RBMS3: variants seen among roughly 807,000 people sequenced by gnomAD.
The protein encoded by RBMS3 is RNA-binding motif, single-stranded-interacting protein 3.
In RBMS3, 27 loss-of-function variants were observed where a neutral mutation model predicts 66.8. The observed-to-expected ratio is 0.40, with a 90% CI of 0.30 to 0.56. The LOEUF (loss-of-function observed/expected upper bound fraction) is 0.56, where lower values mean the gene tolerates loss of function less well. RBMS3 is among the 20% of genes least tolerant of loss of function. The pLI is 0.40. For missense variants in RBMS3, 513 were observed against 549.5 expected, an observed-to-expected ratio of 0.93 and a Z score of 0.66; for synonymous variants, 188 against 183.0, an observed-to-expected ratio of 1.03 and a Z score of -0.22.
At chr3:29,505,780 A>G (rs1235744959) in intron 3 of RBMS3, among the ~76,000 whole-genome samples, 1 of 151,460 alleles carries the variant, frequency 6.6e-6, no homozygotes, top group East Asian at 1.9e-4. Context: ...TTTTTAATGT[A>G]CAGGCCTTTC....
intron 6 of RBMS3, among the ~76,000 whole-genome samples, chr3:29,809,208 C>A (rs1032535316): frequency 2.0e-5 from 3 of 151,530 alleles, no homozygotes; most frequent in East Asian, 1.9e-4. Flanking sequence ...TCTAAAAATC[C>A]TTTTTCGAAA....
intron 1 of RBMS3, among the ~76,000 whole-genome samples, chr3:29,284,068 C>G (rs914672949): frequency 6.6e-6 from 1 of 152,032 alleles, no homozygotes; most frequent in African/African-American, 2.4e-5. Flanking sequence ...ACTTATACCT[C>G]AAAATATAAT....
intron 3 of RBMS3, among the ~76,000 whole-genome samples, chr3:29,513,913 C>G (rs1317800162): frequency 6.6e-6 from 1 of 152,154 alleles, no homozygotes; most frequent in Non-Finnish European, 1.5e-5. Context: ...ATTCAACACT[C>G]CTGACTTCCT....
At chr3:29,429,869 G>T (rs918483738) in intron 1 of RBMS3, among the ~76,000 whole-genome samples, 1 of 152,164 alleles carries the variant, frequency 6.6e-6, no homozygotes. Flanking sequence ...AAAGGAAGCA[G>T]AGCCACTTTA....
At chr3:29,690,998 G>A (rs996900197) in intron 4 of RBMS3, among the ~76,000 whole-genome samples, 2 of 152,134 alleles carry the variant, frequency 1.3e-5, no homozygotes, top group African/African-American at 4.8e-5. Flanking sequence ...TGTGTGCAAT[G>A]CTTAGCAAGG....
chr3:29,548,685 AC>A (rs2046067362), intron 3 of RBMS3, among the ~76,000 whole-genome samples: 1 of 152,028 alleles, frequency 6.6e-6, no homozygotes, highest in African/African-American at 2.4e-5. Flanking sequence ...GCTTCCAAAA[AC>A]GTCATCTAGT....
chr3:30,008,716 A>T lies in RBMS3; in HGVS notation c.*4854A>T, dbSNP rs1010201886. ...TGAATCAATTTGTTTTACAAATGAC[A>T]TCCACTGTGGCATTGGAAGACAGTT... is the stretch of plus-strand genomic sequence containing the variant. On this transcript the variant is annotated 3_prime_UTR_variant, in exon 15 of 15. Transcript: ENST00000383767. The T allele has an allele frequency of 1.3e-5, 2 of 152,118 alleles. No individual in the cohort carries two copies. The highest frequency in any genetic ancestry group is 2.9e-5 in the Non-Finnish European group (2 of 67,980). The allele number at this position is 152,118 out of a possible 1,614,324, so 9.4% of individuals were successfully genotyped here.
intron 3 of RBMS3, among the ~76,000 whole-genome samples, chr3:29,549,507 C>A (rs140045151): frequency 5.6e-4 from 84 of 151,184 alleles, no homozygotes; most frequent in African/African-American, 2.0e-3. Context: ...TCAAGCAACT[C>A]TCCTGTCTCA....
At chr3:29,520,641 GT>G (rs1053055734) in intron 3 of RBMS3, among the ~76,000 whole-genome samples, 1 of 152,038 alleles carries the variant, frequency 6.6e-6, no homozygotes, top group Non-Finnish European at 1.5e-5. Context: ...CGTAGGGAGG[GT>G]TTTTTTAGAT....
chr3:29,567,118 G>T (rs2046772260), intron 3 of RBMS3, among the ~76,000 whole-genome samples: 1 of 151,946 alleles, frequency 6.6e-6, no homozygotes, highest in South Asian at 2.1e-4. Flanking sequence ...TTTCTTCATT[G>T]GGTTTGCATA....
Position 29,831,583 on chromosome 3 carries a change from A to G in RBMS3, c.638-37275A>G, listed in dbSNP as rs555874484. Among the ~76,000 whole-genome samples the G allele has an allele frequency of 1.2e-4, 19 of 152,266 alleles. 1 individual carries two copies. Among genetic ancestry groups the G allele is most frequent in the Admixed American group, 1.2e-3 (18 of 15,290 alleles). ...TAATTATATGAAAACTCAACCATAT[A>G]GTTACTGTAATTAATTATTATAAAT... is the stretch of plus-strand genomic sequence containing the variant. On this transcript the variant is annotated intron_variant, in intron 6 of 14. Transcript: ENST00000383767.
chr3:29,978,663 A>G (rs942617659), intron 12 of RBMS3, among the ~76,000 whole-genome samples: 1 of 152,066 alleles, frequency 6.6e-6, no homozygotes, highest in African/African-American at 2.4e-5. Flanking sequence ...GGAAAAAACA[A>G]AAAAAAACTA....
At chr3:29,947,591 G>A (rs1344109775) in intron 12 of RBMS3, among the ~76,000 whole-genome samples, 1 of 151,402 alleles carries the variant, frequency 6.6e-6, no homozygotes, top group Admixed American at 6.6e-5. Context: ...AAGGAGGGAA[G>A]ACAGAAGGCT....
At chr3:29,557,340 T>C (rs1056827920) in intron 3 of RBMS3, among the ~76,000 whole-genome samples, 4 of 152,176 alleles carry the variant, frequency 2.6e-5, no homozygotes, top group African/African-American at 9.7e-5. Flanking sequence ...GTATGTTGTT[T>C]TTCAAGGTAG....
intron 6 of RBMS3, among the ~76,000 whole-genome samples, chr3:29,788,667 CTTTA>C (rs1291115017): frequency 2.0e-5 from 3 of 152,068 alleles, no homozygotes; most frequent in Non-Finnish European, 4.4e-5. Flanking sequence ...TGTTTACAAT[CTTTA>C]TTTATTGTGA....
intron 1 of RBMS3, among the ~76,000 whole-genome samples, chr3:29,335,461 G>T (rs1002006160): frequency 6.6e-6 from 1 of 152,122 alleles, no homozygotes; most frequent in African/African-American, 2.4e-5. Flanking sequence ...TATGCTCAAA[G>T]AACTCCCCTG....
At chr3:29,470,995 A>G (rs1447006016) in intron 2 of RBMS3, among the ~76,000 whole-genome samples, 2 of 152,198 alleles carry the variant, frequency 1.3e-5, no homozygotes, top group Non-Finnish European at 2.9e-5. Flanking sequence ...CAGTACTAAT[A>G]GATATTTATA....
intron 10 of RBMS3, among the ~76,000 whole-genome samples, chr3:29,913,810 G>A (rs759350550): frequency 7.9e-5 from 12 of 151,846 alleles, no homozygotes; most frequent in Middle Eastern, 3.4e-3. Flanking sequence ...ATCTTGTCTT[G>A]TATCTCTAAG....
chr3:29,541,585 C>A (rs1262862703), intron 3 of RBMS3, among the ~76,000 whole-genome samples: 1 of 152,192 alleles, frequency 6.6e-6, no homozygotes, highest in Non-Finnish European at 1.5e-5. Flanking sequence ...TGGGACCTTG[C>A]AGATGCCTCC....
Sources: allele counts gnomAD v4.1 joint callset (sites outside exome capture counted in the v4.1 genomes callset), GRCh38; gene constraint gnomAD v4.1.1; transcripts MANE v1.5; gene names NCBI Gene and HGNC (gene_info 2026-07-23, HGNC 2026-07-21).